Variants in MUSK observed in about 807,000 individuals in gnomAD.
The protein encoded by MUSK is muscle associated receptor tyrosine kinase, also known as muscle, skeletal receptor tyrosine-protein kinase.
Under a neutral mutation model 88.7 loss-of-function variants are expected in MUSK, and 55 were observed. The ratio of observed to expected loss-of-function variants is 0.62; its 90% CI spans 0.50 to 0.78. MUSK has a LOEUF of 0.78. Among genes scored for constraint, MUSK ranks in the 30% least tolerant of loss-of-function variants. The probability of loss-of-function intolerance (pLI) is 0.00; values close to 1 mark genes in which losing one functional copy is unlikely to be tolerated. For synonymous variants in MUSK, 387 were observed against 391.9 expected (o/e 0.99, Z 0.15); for missense variants, 1,015 against 1,074.3 (o/e 0.94, Z 0.77).
intron 8 of MUSK, among the ~76,000 whole-genome samples, chr9:110,767,135 T>C (rs571338733): frequency 1.3e-5 from 2 of 152,330 alleles, no homozygotes; most frequent in South Asian, 4.1e-4. Context: ...TTCAACAGAA[T>C]AGATCACTGA....
At chr9:110,783,676 T>C (rs1399919561) in intron 11 of MUSK, among the ~76,000 whole-genome samples, 1 of 152,028 alleles carries the variant, frequency 6.6e-6, no homozygotes, top group Admixed American at 6.5e-5. Context: ...TTCTAACTTA[T>C]TAACTTCTGC....
chr9:110,726,345 C>T (rs989304181), intron 5 of MUSK, among the ~76,000 whole-genome samples: 2 of 151,854 alleles, frequency 1.3e-5, no homozygotes, highest in African/African-American at 4.8e-5. Context: ...CCAAATAAGG[C>T]AAAATGAACA....
chr9:110,700,053 T>G (rs1564228597), intron 5 of MUSK, among the ~76,000 whole-genome samples: 1 of 152,148 alleles, frequency 6.6e-6, no homozygotes, highest in Non-Finnish European at 1.5e-5. Flanking sequence ...GCAATGGAAA[T>G]GTAAAGGTAT....
At chr9:110,700,676 A>G (rs2076490506) in intron 5 of MUSK, among the ~76,000 whole-genome samples, 1 of 152,168 alleles carries the variant, frequency 6.6e-6, no homozygotes, top group Non-Finnish European at 1.5e-5. Context: ...CACTGAGCTC[A>G]GAGAGAAGAA....
rs1270530469 is a variant in MUSK, at chr9:110,804,360, G to A, written c.*3372G>A. Among the ~76,000 whole-genome samples the A allele has an allele frequency of 2.0e-5, 3 of 151,982 alleles. No homozygotes were observed. The highest frequency in any genetic ancestry group is 2.9e-5 in the Non-Finnish European group (2 of 67,958). ...TTTCATATTCTGCAGAAATATTACT[G>A]CCACTTCTACATTGTACAAGAGATC... On this transcript the variant is annotated 3_prime_UTR_variant, in exon 15 of 15. Transcript: ENST00000374448.
At chr9:110,784,777 G>GT (rs745713297) in intron 11 of MUSK, 38 bp from the exon 12 acceptor site, 31 of 1,540,250 alleles carry the variant, frequency 2.0e-5, no homozygotes, top group Non-Finnish European at 2.6e-5. Flanking sequence ...CTTCTTAAAG[G>GT]TTTGAGAATG....
At chr9:110,676,977 T>G (rs2076039382) in intron 1 of MUSK, among the ~76,000 whole-genome samples, 1 of 152,186 alleles carries the variant, frequency 6.6e-6, no homozygotes, top group African/African-American at 2.4e-5. Flanking sequence ...AACCTACCTC[T>G]CTGCATCCAT....
At chr9:110,693,619 G>A (rs976557280) in intron 3 of MUSK, among the ~76,000 whole-genome samples, 1 of 152,164 alleles carries the variant, frequency 6.6e-6, no homozygotes, top group African/African-American at 2.4e-5. Flanking sequence ...ATGGCTATGC[G>A]TCAATACCCT....
chr9:110,730,792 A>C (rs974359366), intron 5 of MUSK, among the ~76,000 whole-genome samples: 1 of 152,122 alleles, frequency 6.6e-6, no homozygotes, highest in Non-Finnish European at 1.5e-5. Context: ...GGGTAAAAAC[A>C]TATCAGCTTT....
intron 6 of MUSK, among the ~76,000 whole-genome samples, chr9:110,737,749 T>C (rs1295532393): frequency 2.0e-5 from 3 of 152,182 alleles, no homozygotes. Flanking sequence ...ATCCTTTCTA[T>C]GTAGACTCCA....
At chr9:110,778,398 A>G (rs1371146992) in intron 11 of MUSK, among the ~76,000 whole-genome samples, 1 of 152,120 alleles carries the variant, frequency 6.6e-6, no homozygotes, top group East Asian at 1.9e-4. Flanking sequence ...TTCTGTGGAG[A>G]AAAGGTTAAT....
intron 3 of MUSK, among the ~76,000 whole-genome samples, chr9:110,689,998 T>TTATAAATATATAA (rs1249752719): frequency 1.6e-4 from 14 of 88,218 alleles, no homozygotes; most frequent in African/African-American, 6.5e-4. Flanking sequence ...TAATTATATA[T>TTATAAATATATAA]TATATATTAT....
intron 3 of MUSK, among the ~76,000 whole-genome samples, chr9:110,694,674 T>A (rs923533795): frequency 1.3e-5 from 2 of 152,202 alleles, no homozygotes; most frequent in African/African-American, 4.8e-5. Flanking sequence ...GTTTTAACTA[T>A]TTTACGAATA....
chr9:110,701,977 A>G (rs1411720580), intron 5 of MUSK, among the ~76,000 whole-genome samples: 1 of 148,358 alleles, frequency 6.7e-6, no homozygotes, highest in African/African-American at 2.5e-5. Flanking sequence ...CAAACTCCTC[A>G]AGCAATCCTC....
chr9:110,781,172 C>T (rs2077748546), intron 11 of MUSK, among the ~76,000 whole-genome samples: 1 of 152,010 alleles, frequency 6.6e-6, no homozygotes, highest in Non-Finnish European at 1.5e-5. Context: ...TATGCTATTA[C>T]TTCTTTATAG....
At chr9:110,782,841 A>C (rs918686010) in intron 11 of MUSK, among the ~76,000 whole-genome samples, 1 of 152,160 alleles carries the variant, frequency 6.6e-6, no homozygotes, top group African/African-American at 2.4e-5. Context: ...GTGCCGGATG[A>C]GGCATGCTGT....
chr9:110,689,599 C>A (rs2076264758), intron 3 of MUSK, among the ~76,000 whole-genome samples: 2 of 71,058 alleles, frequency 2.8e-5, no homozygotes, highest in Admixed American at 2.0e-4. Flanking sequence ...TAATATATAA[C>A]ATATTATATA....
At chr9:110,750,094 G>C (rs2077229201) in intron 7 of MUSK, among the ~76,000 whole-genome samples, 2 of 151,982 alleles carry the variant, frequency 1.3e-5, no homozygotes, top group African/African-American at 2.4e-5. Flanking sequence ...GAGAGAGAGA[G>C]AGAATCACAT....
intron 7 of MUSK, chr9:110,761,825 C>G (rs962642905): frequency 5.5e-6 from 3 of 545,634 alleles, no homozygotes; most frequent in Admixed American, 6.4e-5. Context: ...CCGCCCACCT[C>G]GGCCTTCCAA....
Sources: allele counts gnomAD v4.1 joint callset (sites outside exome capture counted in the v4.1 genomes callset), GRCh38; gene constraint gnomAD v4.1.1; transcripts MANE v1.5; gene names NCBI Gene and HGNC (gene_info 2026-07-23, HGNC 2026-07-21).